The following PRKN variants were observed in gnomAD, a reference collection of about 807,000 sequenced individuals.
The protein encoded by PRKN is E3 ubiquitin-protein ligase parkin.
In PRKN, 56 loss-of-function variants were observed where a neutral mutation model predicts 59.5. That is an observed-to-expected ratio of 0.94 (90% CI 0.76 to 1.18). PRKN has a LOEUF of 1.18. PRKN is among the 50% of genes most tolerant of loss of function. The probability of loss-of-function intolerance (pLI) is 0.00; values close to 1 mark genes in which losing one functional copy is unlikely to be tolerated. For missense variants in PRKN, 657 were observed against 596.4 expected, an observed-to-expected ratio of 1.10 and a Z score of -1.06; for synonymous variants, 250 against 222.1, an observed-to-expected ratio of 1.13 and a Z score of -1.12.
chr6:162,610,535 C>T (rs563459941), intron 1 of PRKN, among the ~76,000 whole-genome samples: 1 of 152,228 alleles, frequency 6.6e-6, no homozygotes, highest in East Asian at 1.9e-4. Context: ...CATTTATACA[C>T]AAATGAAGGA....
intron 9 of PRKN, among the ~76,000 whole-genome samples, chr6:161,524,510 TA>T (rs777945363): frequency 6.6e-6 from 1 of 152,140 alleles, no homozygotes; most frequent in Admixed American, 6.5e-5. Context: ...TGTGCTCAGC[TA>T]ATTTTTTTTA....
chr6:162,031,636 A>G (rs1783646450), intron 5 of PRKN, among the ~76,000 whole-genome samples: 1 of 151,584 alleles, frequency 6.6e-6, no homozygotes, highest in Non-Finnish European at 1.5e-5. Context: ...CCAAGGTTCA[A>G]GCGATTCTTC....
chr6:161,560,268 C>T lies in PRKN; in HGVS notation c.933+9087G>A, dbSNP rs1780408798. ...CACACTGACTTAACTGAAACTGATC[C>T]ATCTCCCTTGCAACCTTTTCAAGTG... On this transcript the variant is annotated intron_variant, in intron 8 of 11. Transcript: ENST00000366898. This position sits in a 1 kb window ranked among gnomAD's most constrained non-coding sequence, Gnocchi z 4.9. Among the ~76,000 whole-genome samples the T allele has an allele frequency of 6.6e-6, 1 of 152,088 alleles. No individual in the cohort carries two copies. The highest frequency in any genetic ancestry group is 2.4e-5 in the African/African-American group (1 of 41,406).
chr6:161,535,899 C>A lies in PRKN; in HGVS notation c.1083+12955G>T, dbSNP rs557022564. 8.6e-5 allele frequency among the ~76,000 whole-genome samples: 13 copies of A among 151,948 alleles called. No homozygotes were observed. In the South Asian group the frequency reaches 1.3e-3, roughly 15 times the overall value. Reference sequence around the variant, plus strand: ...AACTGGCCACACACCACGGAACTAACGTCAGAATAATATAATGGAGCCTAC... The same window carrying A: ...AACTGGCCACACACCACGGAACTAAAGTCAGAATAATATAATGGAGCCTAC... On this transcript the variant is annotated intron_variant, in intron 9 of 11. Transcript: ENST00000366898.
chr6:161,370,624 C>T (rs942400513), intron 10 of PRKN, among the ~76,000 whole-genome samples: 1 of 138,340 alleles, frequency 7.2e-6, no homozygotes, highest in African/African-American at 2.8e-5. Context: ...CGAATTAGCG[C>T]CTAGGAGACA....
At chr6:161,984,694 C>T (rs1781372688) in intron 5 of PRKN, among the ~76,000 whole-genome samples, 2 of 152,220 alleles carry the variant, frequency 1.3e-5, no homozygotes, top group South Asian at 4.2e-4. Flanking sequence ...AGGCGTTGTC[C>T]CCTAGATAAT....
chr6:161,811,787 G>A (rs1791573001), intron 6 of PRKN, among the ~76,000 whole-genome samples: 1 of 151,998 alleles, frequency 6.6e-6, no homozygotes, highest in African/African-American at 2.4e-5. Context: ...GCCGGGTGTG[G>A]TGGCATGCAC....
At chr6:162,525,702 T>C (rs1280483241) in intron 1 of PRKN, among the ~76,000 whole-genome samples, 1 of 152,104 alleles carries the variant, frequency 6.6e-6, no homozygotes, top group Non-Finnish European at 1.5e-5. Context: ...TAGGATCCAG[T>C]ATAGTGTCTG....
chr6:162,440,552 T>C (rs1227753016), intron 2 of PRKN, among the ~76,000 whole-genome samples: 1 of 152,080 alleles, frequency 6.6e-6, no homozygotes, highest in African/African-American at 2.4e-5. Context: ...ATTGACAGGG[T>C]CTTCTTTTAT....
At chr6:162,526,162 T>G (rs778402866) in intron 1 of PRKN, among the ~76,000 whole-genome samples, 1 of 151,862 alleles carries the variant, frequency 6.6e-6, no homozygotes, top group Non-Finnish European at 1.5e-5. Context: ...ATTTTAACAT[T>G]CTGTTCATGA....
At chr6:161,431,065 G>C (rs985171303) in intron 9 of PRKN, among the ~76,000 whole-genome samples, 1 of 151,570 alleles carries the variant, frequency 6.6e-6, no homozygotes, top group South Asian at 2.1e-4. Context: ...CTTGAACCTG[G>C]GGGGCGGAGG....
chr6:161,726,384 A>T (rs930731590), intron 7 of PRKN, among the ~76,000 whole-genome samples: 2 of 152,172 alleles, frequency 1.3e-5, no homozygotes, highest in African/African-American at 4.8e-5. Context: ...GTGGAAAAAA[A>T]ATCTGCCAAA....
intron 2 of PRKN, among the ~76,000 whole-genome samples, chr6:162,424,032 C>T (rs1305000261): frequency 6.6e-6 from 1 of 152,106 alleles, no homozygotes; most frequent in Non-Finnish European, 1.5e-5. Flanking sequence ...GATAAATAAA[C>T]TGTGGTACAT....
chr6:162,612,008 A>G (rs1413382206), intron 1 of PRKN, among the ~76,000 whole-genome samples: 1 of 148,732 alleles, frequency 6.7e-6, no homozygotes, highest in Non-Finnish European at 1.5e-5. Context: ...ACACGGTGAA[A>G]CCCCGTCTCT....
chr6:162,433,539 G>A (rs1789634614), intron 2 of PRKN, among the ~76,000 whole-genome samples: 1 of 149,134 alleles, frequency 6.7e-6, no homozygotes, highest in Non-Finnish European at 1.5e-5. Flanking sequence ...GCTCCTACAA[G>A]AACAGCATGT....
chr6:161,967,231 T>C lies in PRKN; in HGVS notation c.734+6071A>G, dbSNP rs190336659. Among the ~76,000 whole-genome samples the C allele has an allele frequency of 8.3e-3, 1,259 of 152,344 alleles. 8 individuals carry two copies. The highest frequency in any genetic ancestry group is 0.015 in the South Asian group (73 of 4,826). On this transcript the variant is annotated intron_variant, in intron 6 of 11. Coordinates refer to ENST00000366898, the MANE Select transcript of PRKN (RefSeq NM_004562.3). ...CTAAAATCTGGCCATGAGTCACACA[T>C]GTCTCTTATACATCGGCCTACATGT...
chr6:162,031,432 A>G (rs1402339433), intron 5 of PRKN, among the ~76,000 whole-genome samples: 2 of 152,128 alleles, frequency 1.3e-5, no homozygotes, highest in African/African-American at 4.8e-5. Context: ...CTCATAGGCA[A>G]GAGCAGCATT....
At chr6:162,574,168 C>A (rs1780462036) in intron 1 of PRKN, among the ~76,000 whole-genome samples, 1 of 152,064 alleles carries the variant, frequency 6.6e-6, no homozygotes, top group African/African-American at 2.4e-5. Context: ...GCAGCTGGGT[C>A]TCCAGGCTTG....
At chr6:162,151,643 A>G (rs1782275151) in intron 4 of PRKN, among the ~76,000 whole-genome samples, 1 of 152,188 alleles carries the variant, frequency 6.6e-6, no homozygotes, top group South Asian at 2.1e-4. Context: ...TCCTTTTCCA[A>G]ACACACAGTC....
Sources: allele counts gnomAD v4.1 joint callset (sites outside exome capture counted in the v4.1 genomes callset), GRCh38; gene constraint gnomAD v4.1.1; non-coding constraint Gnocchi (gnomAD v3.1); transcripts MANE v1.5; gene names NCBI Gene and HGNC (gene_info 2026-07-23, HGNC 2026-07-21).